The following C4orf36 variants were observed in gnomAD, a reference collection of about 807,000 sequenced individuals.
The protein encoded by C4orf36 is chromosome 4 open reading frame 36, also known as uncharacterized protein C4orf36.
Under a neutral mutation model 12.2 loss-of-function variants are expected in C4orf36, and 11 were observed. The observed-to-expected ratio is 0.90, with a 90% CI of 0.57 to 1.49. C4orf36 has a LOEUF of 1.49. C4orf36 is among the 40% of genes most tolerant of loss of function. The probability of loss-of-function intolerance (pLI) is 0.00; values close to 1 mark genes in which losing one functional copy is unlikely to be tolerated. For missense variants in C4orf36, 137 were observed against 133.9 expected, an observed-to-expected ratio of 1.02 and a Z score of -0.11; for synonymous variants, 54 against 51.3, an observed-to-expected ratio of 1.05 and a Z score of -0.22.
At chr4:86,883,335 A>C (rs1446122294) in intron 4 of C4orf36, among the ~76,000 whole-genome samples, 1 of 152,244 alleles carries the variant, frequency 6.6e-6, no homozygotes, top group East Asian at 1.9e-4. Flanking sequence ...CTAAAAATTC[A>C]GGTCAGATAG....
the C4orf36 span, among the ~76,000 whole-genome samples, chr4:86,897,440 C>T: frequency 1.3e-5 from 2 of 152,208 alleles, no homozygotes; most frequent in Admixed American, 1.3e-4. Context: ...AGTTGTAGAG[C>T]CAGATTTGAA....
chr4:86,905,055 A>G, the C4orf36 span, among the ~76,000 whole-genome samples: 1 of 151,776 alleles, frequency 6.6e-6, no homozygotes, highest in Non-Finnish European at 1.5e-5. Context: ...AGGCAACATA[A>G]TGAGACCCCG....
the C4orf36 span, chr4:86,913,794 C>T: frequency 8.2e-7 from 1 of 1,219,172 alleles, no homozygotes; most frequent in South Asian, 1.2e-5. Flanking sequence ...CATCTTGCTG[C>T]CCCAGTGCAT....
At chr4:86,918,379 G>A in the C4orf36 span, among the ~76,000 whole-genome samples, 1 of 152,236 alleles carries the variant, frequency 6.6e-6, no homozygotes, top group African/African-American at 2.4e-5. Context: ...GCCAGAACAA[G>A]AGTCCAGGAA....
At chr4:86,891,375 G>T in intron 2 of C4orf36, 81 bp downstream of exon 2, 2 of 1,294,866 alleles carry the variant, frequency 1.5e-6, no homozygotes, top group Non-Finnish European at 2.2e-6. Flanking sequence ...AGCACAGAGT[G>T]TCCAGTCCTT....
chr4:86,888,405 T>C, intron 2 of C4orf36, 130 bp from the exon 3 acceptor site: 1 of 761,264 alleles, frequency 1.3e-6, no homozygotes, highest in Non-Finnish European at 2.1e-6. Context: ...GGGGGAGATG[T>C]TCAGAATTTT....
Position 86,891,487 on chromosome 4 carries a change from T to A in C4orf36, c.34A>T (p.Lys12Ter), listed in dbSNP as rs2149424275. 6.2e-7 allele frequency: 1 copy of A among 1,614,078 alleles called. No homozygotes were observed. Among genetic ancestry groups the A allele is most frequent in the Admixed American group, 1.7e-5 (1 of 60,014 alleles). The change falls in exon 2 of 5, where the codon AAA (lysine) becomes TAA (stop). Residue 12 changes from lysine to a stop codon, truncating the protein, a stop_gained. Transcript: ENST00000295898. LOFTEE classifies it high-confidence loss of function. The part of the protein sequence containing the change: ...AYGVPRKNTV[K>*]TILRGSCYNV... The stretch of plus-strand genomic sequence containing the variant: ...TAACAACTGCCCCGCAAAATGGTTT[T>A]CACTGTGTTCTTTCTTGGCACTCCA...
In C4orf36 at chr4:86,892,411, G is replaced by A; in HGVS notation, c.-302C>T. 1.0e-6 allele frequency: 1 copy of A among 985,544 alleles called. No individual in the cohort carries two copies. The highest frequency in any genetic ancestry group is 1.2e-6 in the Non-Finnish European group (1 of 830,050). The allele number at this position is 985,544 out of a possible 1,614,324, so 61.0% of individuals were successfully genotyped here. ...ACACGCCTCCTTCCCGCTCGCCGCG[G>A]GCGCCGAGTCTGGGGCTCCTCGCGT... is the stretch of plus-strand genomic sequence containing the variant. On this transcript the variant is annotated 5_prime_UTR_variant, in exon 1 of 5. Coordinates refer to ENST00000295898, the MANE Select transcript of C4orf36 (RefSeq NM_144645.4).
At chr4:86,897,286 G>A (rs1442601220), upstream of C4orf36, among the ~76,000 whole-genome samples, 1 of 152,114 alleles carries the variant, frequency 6.6e-6, no homozygotes, top group African/African-American at 2.4e-5. Flanking sequence ...GCTTGAGCCT[G>A]GGAGGTGGAG....
chr4:86,899,658 A>G, the C4orf36 span, among the ~76,000 whole-genome samples: 47 of 152,152 alleles, frequency 3.1e-4, no homozygotes, highest in Non-Finnish European at 6.2e-4. Flanking sequence ...TTGTCTCTAC[A>G]GAAAATCTAA....
chr4:86,929,275 A>G, the C4orf36 span, among the ~76,000 whole-genome samples: 145 of 152,320 alleles, frequency 9.5e-4, no homozygotes, highest in Non-Finnish European at 1.8e-3. Flanking sequence ...CTTCATCTGG[A>G]GGCTTGACTA....
chr4:86,876,668 T>C lies in C4orf36; in HGVS notation c.*3-225A>G, dbSNP rs1372852606. ...GGTCATGGTATTTACATACACAGTGTATCTTTCTGAAATTGTATGGTGAAG... is the reference window on the plus strand; with the variant it reads ...GGTCATGGTATTTACATACACAGTGCATCTTTCTGAAATTGTATGGTGAAG... On this transcript the variant is annotated intron_variant, in intron 4 of 4. Transcript: ENST00000295898. The C allele has an allele frequency of 1.7e-5, 27 of 1,611,998 alleles. 1 individual carries two copies. Among genetic ancestry groups the C allele is most frequent in the Non-Finnish European group, 2.3e-5 (27 of 1,179,418 alleles).
At chr4:86,900,253 G>C in the C4orf36 span, among the ~76,000 whole-genome samples, 1 of 152,036 alleles carries the variant, frequency 6.6e-6, no homozygotes, top group African/African-American at 2.4e-5. Context: ...GGCTGGTCTT[G>C]AACTCCTGAC....
the C4orf36 span, among the ~76,000 whole-genome samples, chr4:86,906,728 C>CAA: frequency 0.4 from 31,274 of 77,916 alleles, 7,091 homozygotes; most frequent in East Asian, 0.6. Context: ...AAGACGGTCT[C>CAA]AAAAAAAAAA....
At chr4:86,919,149 A>AGAGAGAGAGAGAGAGAG in the C4orf36 span, among the ~76,000 whole-genome samples, 10 of 140,206 alleles carry the variant, frequency 7.1e-5, no homozygotes, top group African/African-American at 2.6e-4. Context: ...AGAGAGAGAG[A>AGAGAGAGAGAGAGAGAG]AATCCTTTTC....
the C4orf36 span, among the ~76,000 whole-genome samples, chr4:86,919,905 T>A: frequency 1.3e-5 from 2 of 151,700 alleles, no homozygotes; most frequent in Middle Eastern, 3.4e-3. Context: ...AGTGGGGGAG[T>A]AGCATCCCAG....
upstream of C4orf36, among the ~76,000 whole-genome samples, chr4:86,896,232 T>C (rs556922002): frequency 6.6e-6 from 1 of 152,368 alleles, no homozygotes; most frequent in Non-Finnish European, 1.5e-5. Context: ...CACACTGCAC[T>C]ACATATTCTC....
intron 4 of C4orf36, chr4:86,887,478 A>C: frequency 3.4e-6 from 1 of 292,756 alleles, no homozygotes; most frequent in African/African-American, 2.2e-5. Flanking sequence ...CTCTTCTTTT[A>C]GTGCAATTTT....
intron 4 of C4orf36, among the ~76,000 whole-genome samples, chr4:86,879,530 A>C (rs1320260639): frequency 6.6e-6 from 1 of 152,198 alleles, no homozygotes. Flanking sequence ...GAAGAACGCC[A>C]AAAATACTTA....
Sources: allele counts gnomAD v4.1 joint callset (sites outside exome capture counted in the v4.1 genomes callset), GRCh38; gene constraint gnomAD v4.1.1; transcripts MANE v1.5; gene names NCBI Gene and HGNC (gene_info 2026-07-23, HGNC 2026-07-21).